The following DUSP11 variants were observed in gnomAD, a reference collection of about 807,000 sequenced individuals.
The protein encoded by DUSP11 is dual specificity phosphatase 11, also known as RNA/RNP complex-1-interacting phosphatase.
Under a neutral mutation model 41.4 loss-of-function variants are expected in DUSP11, and 27 were observed. The ratio of observed to expected loss-of-function variants is 0.65; its 90% CI spans 0.48 to 0.90. DUSP11 has a LOEUF of 0.90. Ranked by LOEUF, DUSP11 falls within the 40% of genes least tolerant of loss-of-function variation. The pLI is 0.00. For missense variants in DUSP11, 465 were observed against 461.1 expected (o/e 1.01, Z -0.08); for synonymous variants, 188 against 159.3 (o/e 1.18, Z -1.35).
exon 4 of DUSP11, chr2:73,773,849 A>T: frequency 6.2e-7 from 1 of 1,607,224 alleles, no homozygotes; most frequent in South Asian, 1.1e-5. Context: ...GTTTGAATTT[A>T]AAAATAGTCT....
At chr2:73,763,663 C>T (rs899010705) in intron 8 of DUSP11, among the ~76,000 whole-genome samples, 4 of 151,960 alleles carry the variant, frequency 2.6e-5, no homozygotes, top group Admixed American at 6.6e-5. Context: ...GTGGAGGTTG[C>T]GGTGAGCTGA....
intron 2 of DUSP11, among the ~76,000 whole-genome samples, chr2:73,775,292 C>T (rs1672657323): frequency 6.6e-6 from 1 of 151,908 alleles, no homozygotes; most frequent in South Asian, 2.1e-4. Context: ...ACTGTAATCT[C>T]CCAGATTTTA....
Position 73,768,536 on chromosome 2 carries a change from G to A in DUSP11, c.635+729C>T, listed in dbSNP as rs1266229644. 8 of 985,180 alleles carry A rather than the reference G, an allele frequency of 8.1e-6. No homozygotes were observed. In the South Asian group the frequency reaches 2.3e-4, roughly 29 times the overall value. The allele number at this position is 985,180 out of a possible 1,614,324, so 61.0% of individuals were successfully genotyped here. A position where few individuals can be genotyped will look rare whatever the true frequency, so the allele number is the denominator to read the frequency against. ...TTCTATTTTGAGTGAAATTACCTCCGGGGCTATGAGATATGCATTCAAAAA... is the reference window on the plus strand; with the variant it reads ...TTCTATTTTGAGTGAAATTACCTCCAGGGCTATGAGATATGCATTCAAAAA... On this transcript the variant is annotated intron_variant, in intron 5 of 8. Transcript: ENST00000272444.
intron 1 of DUSP11, among the ~76,000 whole-genome samples, chr2:73,778,842 T>C (rs991610241): frequency 1.3e-5 from 2 of 152,174 alleles, no homozygotes; most frequent in Non-Finnish European, 2.9e-5. Flanking sequence ...GACTGTGAAC[T>C]TCACTTAATA....
chr2:73,774,888 C>T (rs747981974), intron 3 of DUSP11, 25 bp downstream of exon 3: 5 of 1,494,892 alleles, frequency 3.3e-6, no homozygotes, highest in Non-Finnish European at 4.5e-6. Context: ...GAAGAAAGTT[C>T]TTTTCATTGA....
chr2:73,774,835 A>G, intron 3 of DUSP11, 78 bp downstream of exon 3: 9 of 1,278,850 alleles, frequency 7.0e-6, no homozygotes, highest in Non-Finnish European at 8.4e-6. Flanking sequence ...ACATTAGCAC[A>G]AGATGATTAC....
chr2:73,777,922 A>T (rs374036666), intron 2 of DUSP11, among the ~76,000 whole-genome samples: 17 of 152,332 alleles, frequency 1.1e-4, no homozygotes, highest in African/African-American at 3.8e-4. Flanking sequence ...AATCTATTAC[A>T]GAAACTCCTA....
chr2:73,769,635 GCAA>G (rs1427432528), intron 4 of DUSP11, among the ~76,000 whole-genome samples: 1 of 152,176 alleles, frequency 6.6e-6, no homozygotes, highest in Non-Finnish European at 1.5e-5. Context: ...GGGAGTGAAA[GCAA>G]CAACAGGCTA....
chr2:73,779,837 G>C, intron 1 of DUSP11, 37 bp downstream of exon 1: 1 of 1,609,656 alleles, frequency 6.2e-7, no homozygotes, highest in Non-Finnish European at 8.5e-7. Flanking sequence ...GAAGCCACGA[G>C]CTGGAAAGGC....
intron 3 of DUSP11, 24 bp downstream of exon 3, chr2:73,774,889 T>C: frequency 6.7e-7 from 1 of 1,498,722 alleles, no homozygotes; most frequent in Non-Finnish European, 8.9e-7. Context: ...AAGAAAGTTC[T>C]TTTCATTGAA....
intron 2 of DUSP11, among the ~76,000 whole-genome samples, chr2:73,775,370 CTTTTTTT>C (rs60660160): frequency 9.3e-4 from 118 of 127,374 alleles, no homozygotes; most frequent in Non-Finnish European, 1.4e-3. Context: ...TATTTCTTTT[CTTTTTTT>C]TTTTTTTTTT....
In DUSP11 at chr2:73,775,058, T is replaced by C. The variant is rs990280329; in HGVS notation, c.319-14A>G. 4 of 1,606,328 alleles carry C rather than the reference T, an allele frequency of 2.5e-6. No homozygotes were observed. Among genetic ancestry groups the C allele is most frequent in the Non-Finnish European group, 3.4e-6 (4 of 1,177,108 alleles). On this transcript the variant is annotated splice_polypyrimidine_tract_variant and intron_variant, in intron 2 of 8. Coordinates refer to ENST00000272444, the Ensembl canonical transcript of DUSP11. ...CTTTTCAAAACTCTGTCACAGAGAA[T>C]GAAATAAGAGCAAATATGTGCTTAA...
At chr2:73,776,972 C>A (rs1321796936) in intron 2 of DUSP11, among the ~76,000 whole-genome samples, 1 of 152,114 alleles carries the variant, frequency 6.6e-6, no homozygotes, top group East Asian at 1.9e-4. Flanking sequence ...CCTAAAAATT[C>A]CCTGTGTCTC....
chr2:73,776,561 G>A lies in DUSP11; in HGVS notation c.319-1517C>T, dbSNP rs1275251384. Among the ~76,000 whole-genome samples the A allele has an allele frequency of 2.0e-5, 3 of 152,150 alleles. No individual in the cohort carries two copies. In the East Asian group the frequency reaches 5.8e-4, roughly 29 times the overall value. On this transcript the variant is annotated intron_variant, in intron 2 of 8. Coordinates refer to ENST00000272444, the Ensembl canonical transcript of DUSP11. ...CACTATCCACATTCCATACCAGTGT[G>A]GTCCATTTGTTACAAATGAAGAACC...
At chr2:73,767,482 T>C (rs1206686835) in intron 5 of DUSP11, 3 of 298,556 alleles carry the variant, frequency 1.0e-5, no homozygotes, top group Non-Finnish European at 6.0e-6. Context: ...TGCAGAATCA[T>C]TTTTTATCAA....
intron 8 of DUSP11, among the ~76,000 whole-genome samples, chr2:73,763,282 T>C (rs1057440556): frequency 4.6e-5 from 7 of 152,236 alleles, no homozygotes; most frequent in Non-Finnish European, 7.3e-5. Context: ...AGAACAGATA[T>C]CTGCTTCCAC....
intron 1 of DUSP11, among the ~76,000 whole-genome samples, chr2:73,779,122 G>C (rs1672742967): frequency 6.6e-6 from 1 of 152,208 alleles, no homozygotes. Context: ...TTGCACTCCA[G>C]CCTGGCGGAG....
intron 4 of DUSP11, among the ~76,000 whole-genome samples, chr2:73,771,041 A>G (rs1228215484): frequency 6.6e-6 from 1 of 152,168 alleles, no homozygotes; most frequent in Admixed American, 6.5e-5. Context: ...ACATCTTCAT[A>G]AAGAGGCCTT....
intron 4 of DUSP11, among the ~76,000 whole-genome samples, chr2:73,772,145 C>T (rs1193179674): frequency 1.3e-5 from 2 of 152,190 alleles, no homozygotes; most frequent in African/African-American, 4.8e-5. Flanking sequence ...ACCACATGCA[C>T]TACATATTTA....
Sources: gnomAD v4.1 joint callset for allele counts (sites outside exome capture counted in the v4.1 genomes callset) on GRCh38, gnomAD v4.1.1 for gene constraint, MANE v1.5 for transcripts, NCBI Gene and HGNC (gene_info 2026-07-23, HGNC 2026-07-21) for gene names.